The following POM121 variants were observed in gnomAD, a reference collection of about 807,000 sequenced individuals.
POM121 encodes nuclear envelope pore membrane protein POM 121.
Under a neutral mutation model 81.3 loss-of-function variants are expected in POM121, and 32 were observed. The ratio of observed to expected loss-of-function variants is 0.39; its 90% CI spans 0.30 to 0.53. POM121 has a LOEUF of 0.53. POM121 is among the 20% of genes least tolerant of loss of function. POM121 has a pLI of 0.66. For missense variants in POM121, 1,138 were observed against 1,614.6 expected (o/e 0.70, Z 5.06); for synonymous variants, 514 against 694.2 (o/e 0.74, Z 4.08).
chr7:72,926,712 G>A lies in POM121; in HGVS notation c.861-90G>A, dbSNP rs1457094735. On this transcript the variant is annotated intron_variant, in intron 2 of 12. Coordinates refer to ENST00000434423, the MANE Select transcript of POM121 (RefSeq NM_001387691.1). ...GTATAAATTATACTTTGGCCTGTTG[G>A]TTAGCTTCTGATTTCTTGTTTCTGA... 8 of 1,539,180 alleles carry A rather than the reference G, an allele frequency of 5.2e-6. No homozygotes were observed. The African/African-American group carries it at 8.3e-5, about 16-fold the overall frequency.
intron 3 of POM121, among the ~76,000 whole-genome samples, chr7:72,907,927 T>C (rs1342635441): frequency 3.3e-5 from 5 of 152,202 alleles, no homozygotes; most frequent in Non-Finnish European, 2.9e-5. Context: ...GTGTTTGTTT[T>C]CTCTCTGTTG....
intron 4 of POM121, among the ~76,000 whole-genome samples, chr7:72,918,933 G>A (rs191377734): frequency 6.6e-6 from 1 of 152,226 alleles, no homozygotes; most frequent in East Asian, 1.9e-4. Context: ...TAGTAGCTGG[G>A]ATGACAGGCA....
intron 3 of POM121, among the ~76,000 whole-genome samples, chr7:72,909,080 GTAAGAAATTA>G (rs1793558575): frequency 6.6e-6 from 1 of 152,186 alleles, no homozygotes; most frequent in Non-Finnish European, 1.5e-5. Flanking sequence ...AAAGACAGGT[GTAAGAAATTA>G]TAAAAGTATT....
At chr7:72,906,165 G>A (rs1554493396) in intron 3 of POM121, among the ~76,000 whole-genome samples, 1 of 152,180 alleles carries the variant, frequency 6.6e-6, no homozygotes, top group Admixed American at 6.5e-5. Flanking sequence ...TCCTTAAATA[G>A]GGGGCTTTAA....
At chr7:72,913,529 TC>T (rs1267142286) in intron 3 of POM121, among the ~76,000 whole-genome samples, 4 of 152,198 alleles carry the variant, frequency 2.6e-5, no homozygotes, top group African/African-American at 9.6e-5. Flanking sequence ...GCTGCCATTG[TC>T]CTGTCTAGCC....
At chr7:72,926,198 A>G (rs1237520715) in intron 1 of POM121, 64 bp from the exon 2 acceptor site, 2 of 1,476,478 alleles carry the variant, frequency 1.4e-6, no homozygotes, top group African/African-American at 1.4e-5. Context: ...TGGGTTTTTA[A>G]CCGTTTAAAA....
downstream of POM121, chr7:72,949,891 T>A (rs369947025): frequency 1.9e-6 from 3 of 1,608,404 alleles, no homozygotes; most frequent in Admixed American, 5.0e-5. Context: ...CTTTATTGCC[T>A]GGGGTGGCAC....
chr7:72,941,191 G>A (rs1554500923), intron 10 of POM121, among the ~76,000 whole-genome samples, 198 bp downstream of exon 10: 2 of 151,204 alleles, frequency 1.3e-5, no homozygotes, highest in East Asian at 2.0e-4. Flanking sequence ...GTGCTGCGAC[G>A]CTCAGGATCT....
chr7:72,912,136 T>C (rs1793864027), intron 3 of POM121, among the ~76,000 whole-genome samples: 1 of 152,184 alleles, frequency 6.6e-6, no homozygotes, highest in African/African-American at 2.4e-5. Flanking sequence ...CAAGCAGTCC[T>C]CCCTCTTTGG....
chr7:72,950,121 G>A (rs148993516), downstream of POM121: 240 of 1,599,214 alleles, frequency 1.5e-4, 4 homozygotes, highest in African/African-American at 1.5e-3. Flanking sequence ...CTGTCTGGGC[G>A]GGAAACACCA....
intron 3 of POM121, chr7:72,891,220 C>T: frequency 1.8e-6 from 1 of 547,064 alleles, no homozygotes; most frequent in South Asian, 2.0e-5. Flanking sequence ...TCCCAACCCC[C>T]AAATATCACT....
rs1193083365 is a variant in POM121, at chr7:72,947,939, C to T, written c.*1705C>T. On this transcript the variant is annotated 3_prime_UTR_variant, in exon 13 of 13. Coordinates refer to ENST00000434423, the MANE Select transcript of POM121 (RefSeq NM_001387691.1). ...TCTGATCCTCGTTAATACCTGGCTG[C>T]GTGTGCAGCTGAGGAGGGAGTGAAC... is the stretch of plus-strand genomic sequence containing the variant. 171 of 1,036,616 alleles carry T rather than the reference C, an allele frequency of 1.6e-4. No individual in the cohort carries two copies. In the East Asian group the frequency reaches 3.0e-3, roughly 18 times the overall value. 64.2% of individuals were successfully genotyped at this position (1,036,616 alleles called of 1,614,324 possible). A position where few individuals can be genotyped will look rare whatever the true frequency, so the allele number is the denominator to read the frequency against.
At chr7:72,949,971 A>G (rs782472228), downstream of POM121, 11 of 1,608,934 alleles carry the variant, frequency 6.8e-6, no homozygotes, top group East Asian at 2.0e-4. Context: ...CCTGGCAGGC[A>G]GAACACAGGG....
rs1333351849 is a variant in POM121 at position 72,925,701 on chromosome 7, G to A, written c.580G>A (p.Ala194Thr). Residue 194 changes from alanine to threonine, a missense_variant, in exon 1 of 13, where the codon GCT becomes ACT. Ala to Thr is a moderately conservative substitution (Grantham distance 58). Transcript: ENST00000434423. ...CCCGCCCTCCCCGCCGACCCATCGC[G>A]CTCACCACGTTTACCCCTCTCTGCC... Reference protein sequence around the residue: ...SPPPSPPTHRAHHVYPSLPTP... With the variant: ...SPPPSPPTHRTHHVYPSLPTP... 3 of 1,005,830 alleles carry A rather than the reference G, an allele frequency of 3.0e-6. No individual in the cohort carries two copies. The highest frequency in any genetic ancestry group is 3.6e-6 in the Non-Finnish European group (3 of 839,898). 62.3% of individuals were successfully genotyped at this position (1,005,830 alleles called of 1,614,324 possible). A position where few individuals can be genotyped will look rare whatever the true frequency, so the allele number is the denominator to read the frequency against.
At chr7:72,893,380 G>A (rs1158179135) in intron 3 of POM121, among the ~76,000 whole-genome samples, 1 of 151,692 alleles carries the variant, frequency 6.6e-6, no homozygotes, top group African/African-American at 2.4e-5. Flanking sequence ...TCAGGAGATC[G>A]AGACCATCCT....
exon 1 of POM121, chr7:72,879,798 A>G: frequency 4.0e-6 from 2 of 499,568 alleles, no homozygotes; most frequent in Middle Eastern, 1.2e-3. Flanking sequence ...ACGGGAGGGG[A>G]CTTCGCGAGC....
chr7:72,920,935 C>CT (rs1285204670), upstream of POM121, among the ~76,000 whole-genome samples: 5 of 152,076 alleles, frequency 3.3e-5, no homozygotes, highest in Non-Finnish European at 7.4e-5. Flanking sequence ...CCTAGCAGGT[C>CT]TTTGAGAGGC....
intron 4 of POM121, among the ~76,000 whole-genome samples, chr7:72,915,037 T>C (rs1170153757): frequency 6.6e-6 from 1 of 152,214 alleles, no homozygotes; most frequent in African/African-American, 2.4e-5. Flanking sequence ...AATGAGAGGC[T>C]TAGGGGCTCC....
At chr7:72,916,424 T>TCCTTA (rs1554495091) in intron 4 of POM121, among the ~76,000 whole-genome samples, 5 of 152,316 alleles carry the variant, frequency 3.3e-5, no homozygotes, top group African/African-American at 9.6e-5. Flanking sequence ...AAATAGAGAA[T>TCCTTA]CCTTACCCCA....
Sources: allele counts gnomAD v4.1 joint callset (sites outside exome capture counted in the v4.1 genomes callset), GRCh38; gene constraint gnomAD v4.1.1; transcripts MANE v1.5; gene names NCBI Gene and HGNC (gene_info 2026-07-23, HGNC 2026-07-21).